The following DDHD1 variants were observed in gnomAD, a reference collection of about 807,000 sequenced individuals.
DDHD1 encodes the protein phospholipase DDHD1.
Under a neutral mutation model 96.4 loss-of-function variants are expected in DDHD1, and 49 were observed. The observed-to-expected ratio is 0.51, with a 90% CI of 0.40 to 0.64. The LOEUF is 0.64. Among genes scored for constraint, DDHD1 ranks in the 30% least tolerant of loss-of-function variants. The pLI, the probability that DDHD1 is intolerant of heterozygous loss-of-function variation, is 0.00. For synonymous variants in DDHD1, 442 were observed against 446.5 expected (o/e 0.99, Z 0.13); for missense variants, 1,106 against 1,161.2 (o/e 0.95, Z 0.69).
intron 1 of DDHD1, among the ~76,000 whole-genome samples, chr14:53,118,455 A>G (rs912130703): frequency 5.3e-5 from 8 of 152,228 alleles, no homozygotes; most frequent in Admixed American, 1.3e-4. Context: ...AACAGTGTAA[A>G]GAAGACCTTA....
At position 53,041,697 on chromosome 14, in the gene DDHD1, T is replaced by G. The variant is rs990320829; in HGVS notation, c.*5071A>C. 1 of 152,224 alleles carries G rather than the reference T, an allele frequency of 6.6e-6. No homozygotes were observed. The highest frequency in any genetic ancestry group is 1.5e-5 in the Non-Finnish European group (1 of 68,044). The allele number at this position is 152,224 out of a possible 1,614,324, so 9.4% of individuals were successfully genotyped here. A position where few individuals can be genotyped will look rare whatever the true frequency, so the allele number is the denominator to read the frequency against. Reference sequence around the variant, plus strand: ...TTTTCTTTTTGTTGTTTTGTATTTCTTCTTCTTTTTCCTGGGTATTTTGAA... The same window carrying G: ...TTTTCTTTTTGTTGTTTTGTATTTCGTCTTCTTTTTCCTGGGTATTTTGAA... On this transcript the variant is annotated 3_prime_UTR_variant, in exon 13 of 13. Coordinates refer to ENST00000673822, the MANE Select transcript of DDHD1 (RefSeq NM_001160148.2).
rs944838879 is a variant in DDHD1, at chr14:53,046,915, T to C, written c.2556A>G (p.Arg852=). Residue 852 remains arginine (R), a synonymous_variant, in exon 13 of 13, where the codon AGA becomes AGG. Coordinates refer to ENST00000673822, the MANE Select transcript of DDHD1 (RefSeq NM_001160148.2). ...ELDHRIDFEL[R]EGLVESRYWS... ...AATAGCGGCTCTCCACAAGGCCTTC[T>C]CTGAGTTCAAAATCAATCCTGTGAT... 1 of 1,611,402 alleles carries C rather than the reference T, an allele frequency of 6.2e-7. No homozygotes were observed.
At chr14:53,134,418 C>T (rs1169090032) in intron 1 of DDHD1, among the ~76,000 whole-genome samples, 2 of 152,000 alleles carry the variant, frequency 1.3e-5, no homozygotes, top group African/African-American at 2.4e-5. Context: ...TACTTTTATA[C>T]TCACTCTTAT....
chr14:53,102,932 A>G, intron 2 of DDHD1: 1 of 1,208,190 alleles, frequency 8.3e-7, no homozygotes, highest in Non-Finnish European at 1.2e-6. Flanking sequence ...TTGCCAAGAA[A>G]CCTCCCAAAT....
intron 4 of DDHD1, among the ~76,000 whole-genome samples, chr14:53,075,417 T>C (rs1010370111): frequency 6.6e-6 from 1 of 152,132 alleles, no homozygotes; most frequent in African/African-American, 2.4e-5. Context: ...CAAAGCCTAA[T>C]CCAGAGCAAG....
rs141006567 is a variant in DDHD1, at chr14:53,129,978, C to T, written c.838+22283G>A. Reference sequence around the variant, plus strand: ...CCCTCCCTAGTCTCTGCTCGCAATGCGACTCGTCGCAAATCTTTCTTCTTT... The same window carrying T: ...CCCTCCCTAGTCTCTGCTCGCAATGTGACTCGTCGCAAATCTTTCTTCTTT... On this transcript the variant is annotated intron_variant, in intron 1 of 12. Transcript: ENST00000673822. Among the ~76,000 whole-genome samples the T allele has an allele frequency of 3.6e-3, 550 of 152,308 alleles. 3 individuals carry two copies. The highest frequency in any genetic ancestry group is 0.013 in the African/African-American group (528 of 41,566).
intron 6 of DDHD1, among the ~76,000 whole-genome samples, chr14:53,071,957 C>T (rs1222856983): frequency 6.6e-6 from 1 of 152,110 alleles, no homozygotes; most frequent in African/African-American, 2.4e-5. Flanking sequence ...AGCCTCAAAA[C>T]CTCTCTTGGC....
At chr14:53,086,913 G>GAA (rs1555335248) in intron 4 of DDHD1, among the ~76,000 whole-genome samples, 1 of 130,856 alleles carries the variant, frequency 7.6e-6, no homozygotes, top group African/African-American at 2.9e-5. Flanking sequence ...CTCACATGCA[G>GAA]ACACACACAC....
chr14:53,147,179 C>A (rs1379485678), intron 1 of DDHD1, among the ~76,000 whole-genome samples: 1 of 152,086 alleles, frequency 6.6e-6, no homozygotes, highest in Non-Finnish European at 1.5e-5. Context: ...CCTTGACCAG[C>A]ACATCCAGAT....
chr14:53,053,826 G>A (rs1167028213), intron 11 of DDHD1: 1 of 152,114 alleles, frequency 6.6e-6, no homozygotes, highest in African/African-American at 2.4e-5. Context: ...GTGTATTCGT[G>A]TTTCACAACT....
chr14:53,059,074 C>T lies in DDHD1; in HGVS notation c.1843-448G>A, dbSNP rs139116644. The stretch of plus-strand genomic sequence containing the variant: ...CTTTAAGAGAGTGAAAAAAATAATT[C>T]CAACTTTGAAGGCTTTACAGAGGAG... On this transcript the variant is annotated intron_variant, in intron 8 of 12. Transcript: ENST00000673822. Among the ~76,000 whole-genome samples, 329 of 152,048 alleles carry T rather than the reference C, an allele frequency of 2.2e-3. 2 individuals are homozygous for T. Among genetic ancestry groups the T allele is most frequent in the African/African-American group, 7.0e-3 (292 of 41,474 alleles).
At chr14:53,048,073 T>C (rs1882186057) in intron 12 of DDHD1, among the ~76,000 whole-genome samples, 1 of 152,188 alleles carries the variant, frequency 6.6e-6, no homozygotes, top group Non-Finnish European at 1.5e-5. Flanking sequence ...TAGGAAATCA[T>C]AATACTCTAG....
At position 53,045,164 on chromosome 14, in the gene DDHD1, T is replaced by C. The variant is rs760811650; in HGVS notation, c.*1604A>G. 1 of 152,208 alleles carries C rather than the reference T, an allele frequency of 6.6e-6. No homozygotes were observed. Among genetic ancestry groups the C allele is most frequent in the Admixed American group, 6.5e-5 (1 of 15,286 alleles). The allele number at this position is 152,208 out of a possible 1,614,324, so 9.4% of individuals were successfully genotyped here. A position where few individuals can be genotyped will look rare whatever the true frequency, so the allele number is the denominator to read the frequency against. Reference sequence around the variant, plus strand: ...GTTTGCAAACTACTAAAAGGTCACATGTGAATCAAGTCATTGAACAGCATA... The same window carrying C: ...GTTTGCAAACTACTAAAAGGTCACACGTGAATCAAGTCATTGAACAGCATA... On this transcript the variant is annotated 3_prime_UTR_variant, in exon 13 of 13. Coordinates refer to ENST00000673822, the MANE Select transcript of DDHD1 (RefSeq NM_001160148.2).
intron 4 of DDHD1, among the ~76,000 whole-genome samples, chr14:53,090,921 T>C (rs1193971438): frequency 1.3e-5 from 2 of 152,134 alleles, no homozygotes; most frequent in African/African-American, 2.4e-5. Context: ...TTAGCTGGCA[T>C]TAAGAGATGT....
rs1595080320 is a variant in DDHD1 at position 53,049,279 on chromosome 14, G to A, written c.2522-2330C>T. ...ATCTACAGATTGTCTCCATCAAAGT[G>A]GGTATTAGGAAGCTAGCTTGTACTT... On this transcript the variant is annotated intron_variant, in intron 12 of 12. Coordinates refer to ENST00000673822, the MANE Select transcript of DDHD1 (RefSeq NM_001160148.2). Among the ~76,000 whole-genome samples the A allele has an allele frequency of 7.2e-5, 11 of 152,248 alleles. No homozygotes were observed. The South Asian group carries it at 1.9e-3, about 26-fold the overall frequency.
At chr14:53,128,878 A>C (rs1273944223) in intron 1 of DDHD1, among the ~76,000 whole-genome samples, 1 of 152,124 alleles carries the variant, frequency 6.6e-6, no homozygotes, top group Admixed American at 6.5e-5. Context: ...GCCCCACCCT[A>C]ACTGATCAAC....
At chr14:53,074,430 G>C (rs1405087809) in intron 4 of DDHD1, among the ~76,000 whole-genome samples, 4 of 151,376 alleles carry the variant, frequency 2.6e-5, no homozygotes, top group African/African-American at 9.7e-5. Flanking sequence ...ATATTTAAAA[G>C]CAAATCCTAG....
At chr14:53,100,672 G>A (rs1409443852) in intron 2 of DDHD1, among the ~76,000 whole-genome samples, 1 of 152,062 alleles carries the variant, frequency 6.6e-6, no homozygotes, top group East Asian at 1.9e-4. Flanking sequence ...AACAGCCAAG[G>A]TCAGAAGAAA....
rs941329729 is a variant in DDHD1, at chr14:53,103,419, G to C, written c.1012+264C>G. The C allele has an allele frequency of 3.5e-4, 131 of 375,468 alleles. 1 individual carries two copies. In the East Asian group the frequency reaches 6.0e-3, roughly 17 times the overall value. 23.3% of individuals were successfully genotyped at this position (375,468 alleles called of 1,614,324 possible). A position where few individuals can be genotyped will look rare whatever the true frequency, so the allele number is the denominator to read the frequency against. On this transcript the variant is annotated intron_variant, in intron 2 of 12. Coordinates refer to ENST00000673822, the MANE Select transcript of DDHD1 (RefSeq NM_001160148.2). ...AAAATTACTAAAAAAGATTAAATAG[G>C]GAGTGCATTGTAACAATCTGTACAT...
Sources: gnomAD v4.1 joint callset for allele counts (sites outside exome capture counted in the v4.1 genomes callset) on GRCh38, gnomAD v4.1.1 for gene constraint, MANE v1.5 for transcripts, NCBI Gene and HGNC (gene_info 2026-07-23, HGNC 2026-07-21) for gene names.